The following WDR20 variants were observed in gnomAD, a reference collection of about 807,000 sequenced individuals.
The protein encoded by WDR20 is WD repeat-containing protein 20.
A neutral mutation model predicts 38.7 loss-of-function variants in WDR20; 3 were observed. That is an observed-to-expected ratio of 0.08 (90% CI 0.04 to 0.20). The LOEUF is 0.20. WDR20 is among the 10% of genes least tolerant of loss of function. The probability of loss-of-function intolerance (pLI) is 1.00; values close to 1 mark genes in which losing one functional copy is unlikely to be tolerated. For synonymous variants in WDR20, 298 were observed against 285.6 expected, an observed-to-expected ratio of 1.04 and a Z score of -0.44; for missense variants, 559 against 727.7, an observed-to-expected ratio of 0.77 and a Z score of 2.67.
rs1451371502 is a variant in WDR20, at chr14:102,178,034, T to G, written c.250-16904T>G. On this transcript the variant is annotated intron_variant, in intron 1 of 2. Transcript: ENST00000342702. Reference sequence around the variant, plus strand: ...ATCCCTGTGCCTTGGCATCCTCATTTTTTATAACATGAGTTTGTATCTTTT... The same window carrying G: ...ATCCCTGTGCCTTGGCATCCTCATTGTTTATAACATGAGTTTGTATCTTTT... Among the ~76,000 whole-genome samples, 4 of 152,214 alleles carry G rather than the reference T, an allele frequency of 2.6e-5. No individual in the cohort carries two copies. The South Asian group carries it at 8.3e-4, about 32-fold the overall frequency.
chr14:102,192,618 C>T (rs938850257), intron 1 of WDR20, among the ~76,000 whole-genome samples: 1 of 152,128 alleles, frequency 6.6e-6, no homozygotes, highest in African/African-American at 2.4e-5. Context: ...TGAGGGGTCC[C>T]TAAGTCTAAC....
At chr14:102,146,469 G>C (rs1269961075) in intron 1 of WDR20, among the ~76,000 whole-genome samples, 1 of 152,132 alleles carries the variant, frequency 6.6e-6, no homozygotes, top group African/African-American at 2.4e-5. Context: ...GGCTAGAAGA[G>C]CTTTATGTTC....
chr14:102,202,594 A>C (rs558313157), intron 2 of WDR20, among the ~76,000 whole-genome samples: 10 of 151,454 alleles, frequency 6.6e-5, no homozygotes, highest in Admixed American at 2.6e-4. Flanking sequence ...ATTGGCCAGG[A>C]TGGTCTCGAT....
chr14:102,208,878 G>A lies in WDR20; in HGVS notation c.708G>A (p.Ala236=), dbSNP rs763211317. 1.1e-5 allele frequency: 18 copies of A among 1,614,104 alleles called. No individual in the cohort carries two copies. In the East Asian group the frequency reaches 2.4e-4, roughly 22 times the overall value. The change falls in exon 3 of 3, where the codon GCG becomes GCA. Residue 236 remains alanine, a synonymous_variant. Coordinates refer to ENST00000342702, the MANE Select transcript of WDR20 (RefSeq NM_144574.4). The surrounding 1 kb of genome is among the most constrained non-coding windows in gnomAD (Gnocchi z 5.6). The part of the protein sequence containing the change: ...FAFSPDGKFL[A]CVSQDGFLRV... ...TCTCCCCAGATGGCAAGTTCTTAGC[G>A]TGCGTGAGCCAGGACGGGTTTCTGC...
chr14:102,217,980 G>A (rs375460309), downstream of WDR20, among the ~76,000 whole-genome samples: 1 of 152,228 alleles, frequency 6.6e-6, no homozygotes, highest in African/African-American at 2.4e-5. Context: ...GGCCAAGGCT[G>A]GCCTTCTCCC....
chr14:102,163,091 G>T (rs2059086888), intron 1 of WDR20, among the ~76,000 whole-genome samples: 1 of 152,126 alleles, frequency 6.6e-6, no homozygotes, highest in African/African-American at 2.4e-5. Flanking sequence ...TTGACATGGG[G>T]CCTTTAAGGG....
downstream of WDR20, among the ~76,000 whole-genome samples, chr14:102,215,792 G>C (rs1245755198): frequency 6.6e-6 from 1 of 152,182 alleles, no homozygotes; most frequent in African/African-American, 2.4e-5. Context: ...ACAGGGCAGT[G>C]GGGGACGTTC....
downstream of WDR20, among the ~76,000 whole-genome samples, chr14:102,215,565 T>G (rs1297954183): frequency 1.3e-5 from 2 of 152,168 alleles, no homozygotes; most frequent in Non-Finnish European, 2.9e-5. Flanking sequence ...CAACCCGTCA[T>G]CTATGTTTTA....
At chr14:102,191,520 T>G (rs563048921) in intron 1 of WDR20, 4 of 152,350 alleles carry the variant, frequency 2.6e-5, no homozygotes, top group African/African-American at 9.6e-5. Context: ...CGGTTGTGCT[T>G]GGACATGAAG....
In WDR20 at chr14:102,209,791, T is replaced by C. The variant is rs2062193752; in HGVS notation, c.1621T>C (p.Phe541Leu). ...IAHERLTVLI[F>L]LEDCIVTACQ... ...ACATGAGAGACTGACTGTACTAATATTTCTTGAAGACTGTATAGTCACTGC... is the reference window on the plus strand; with the variant it reads ...ACATGAGAGACTGACTGTACTAATACTTCTTGAAGACTGTATAGTCACTGC... The change falls in exon 3 of 3, where the codon TTT (phenylalanine) becomes CTT (leucine). Residue 541 changes from phenylalanine to leucine, a missense_variant. Transcript: ENST00000342702. This position sits in a 1 kb window ranked among gnomAD's most constrained non-coding sequence, Gnocchi z 6.0. 1.2e-6 allele frequency: 2 copies of C among 1,613,916 alleles called. No individual in the cohort carries two copies. The highest frequency in any genetic ancestry group is 1.3e-5 in the African/African-American group (1 of 74,922).
chr14:102,169,354 T>C (rs558014395), intron 1 of WDR20, among the ~76,000 whole-genome samples: 1 of 152,308 alleles, frequency 6.6e-6, no homozygotes, highest in East Asian at 1.9e-4. Context: ...TCCTGACTGA[T>C]TGTTCTTCAT....
At chr14:102,213,938 A>G (rs1037204561), downstream of WDR20, 70 of 985,352 alleles carry the variant, frequency 7.1e-5, no homozygotes, top group African/African-American at 1.2e-3. Flanking sequence ...TCACCAGTGG[A>G]TTTTCTGGGG....
chr14:102,209,213 C>G lies in WDR20; in HGVS notation c.1043C>G (p.Thr348Arg). ...LHFGRDRANSTQSRLSKRNST... is the reference protein window; with the variant it reads ...LHFGRDRANSRQSRLSKRNST... ...TTTGGCAGAGATCGAGCAAATAGTA[C>G]ACAGTCCAGGCTCTCCAAACGGAAC... The change falls in exon 3 of 3, where the codon ACA becomes AGA. Residue 348 changes from threonine (T) to arginine (R), a missense_variant. Thr to Arg is a moderately conservative substitution (Grantham distance 71). Coordinates refer to ENST00000342702, the MANE Select transcript of WDR20 (RefSeq NM_144574.4). The surrounding 1 kb of genome is among the most constrained non-coding windows in gnomAD (Gnocchi z 6.0). 6.2e-7 allele frequency: 1 copy of G among 1,614,162 alleles called. No individual in the cohort carries two copies.
chr14:102,160,053 A>C (rs1292483009), intron 1 of WDR20, among the ~76,000 whole-genome samples: 1 of 152,098 alleles, frequency 6.6e-6, no homozygotes, highest in Non-Finnish European at 1.5e-5. Context: ...TCAGTGAGCT[A>C]TGATCATACC....
intron 1 of WDR20, among the ~76,000 whole-genome samples, chr14:102,173,278 A>G (rs1429353384): frequency 6.7e-6 from 1 of 150,326 alleles, no homozygotes; most frequent in Non-Finnish European, 1.5e-5. Context: ...ATGCCTGGCC[A>G]GTTTTTTGTA....
intron 1 of WDR20, among the ~76,000 whole-genome samples, chr14:102,188,933 C>G (rs1475282969): frequency 6.7e-6 from 1 of 149,394 alleles, no homozygotes; most frequent in Non-Finnish European, 1.5e-5. Context: ...TAAGGAAGGC[C>G]AGGTATGATG....
chr14:102,163,985 T>G (rs1329033595), intron 1 of WDR20, among the ~76,000 whole-genome samples: 1 of 152,182 alleles, frequency 6.6e-6, no homozygotes, highest in Non-Finnish European at 1.5e-5. Context: ...ACTGAAGGCA[T>G]TATTAGCTCA....
At position 102,209,286 on chromosome 14, in the gene WDR20, G is replaced by T. The variant is rs750205927; in HGVS notation, c.1116G>T (p.Val372=). 1 of 1,614,164 alleles carries T rather than the reference G, an allele frequency of 6.2e-7. No homozygotes were observed. The highest frequency in any genetic ancestry group is 1.1e-5 in the South Asian group (1 of 91,078). Residue 372 remains valine, a synonymous_variant, in exon 3 of 3, where the codon GTG becomes GTT. Transcript: ENST00000342702. This position sits in a 1 kb window ranked among gnomAD's most constrained non-coding sequence, Gnocchi z 6.0. ...PVSVTYRFGS[V]GQDTQLCLWD... is the part of the protein sequence containing the mutation. The stretch of plus-strand genomic sequence containing the variant: ...GTGTCACGTATCGGTTTGGTTCCGT[G>T]GGCCAGGACACACAGCTCTGTTTAT...
At chr14:102,217,037 GCTCCCTA>G (rs2063304806), downstream of WDR20, among the ~76,000 whole-genome samples, 1 of 152,194 alleles carries the variant, frequency 6.6e-6, no homozygotes, top group South Asian at 2.1e-4. Context: ...GAGGCTCTCA[GCTCCCTA>G]CCACCCCTTC....
Sources: allele counts gnomAD v4.1 joint callset (sites outside exome capture counted in the v4.1 genomes callset), GRCh38; gene constraint gnomAD v4.1.1; non-coding constraint Gnocchi (gnomAD v3.1); transcripts MANE v1.5; gene names NCBI Gene and HGNC (gene_info 2026-07-23, HGNC 2026-07-21).